Variants in CABLES1 observed in about 807,000 individuals in gnomAD.
CABLES1 encodes Cdk5 and Abl enzyme substrate 1.
A neutral mutation model predicts 57.8 loss-of-function variants in CABLES1; 36 were observed. That is an observed-to-expected ratio of 0.62 (90% confidence interval 0.48 to 0.82). CABLES1 has a LOEUF of 0.82. Ranked by LOEUF, CABLES1 falls within the 40% of genes least tolerant of loss-of-function variation. CABLES1 has a pLI of 0.00. For synonymous variants in CABLES1, 374 were observed against 363.0 expected, an observed-to-expected ratio of 1.03 and a Z score of -0.35; for missense variants, 767 against 836.6, an observed-to-expected ratio of 0.92 and a Z score of 1.03.
At chr18:23,224,228 C>T (rs993248917) in intron 4 of CABLES1, among the ~76,000 whole-genome samples, 7 of 150,970 alleles carry the variant, frequency 4.6e-5, no homozygotes, top group Admixed American at 1.3e-4. Context: ...CAGGAATGGG[C>T]ACAAGTAGCC....
chr18:23,252,349 A>T (rs1252063798), intron 7 of CABLES1, among the ~76,000 whole-genome samples: 1 of 152,174 alleles, frequency 6.6e-6, no homozygotes, highest in Non-Finnish European at 1.5e-5. Flanking sequence ...ACGCCTAGAA[A>T]TGGTTAAGAT....
chr18:23,180,962 T>A (rs1377948145), intron 1 of CABLES1, among the ~76,000 whole-genome samples: 1 of 152,214 alleles, frequency 6.6e-6, no homozygotes, highest in Non-Finnish European at 1.5e-5. Context: ...TCTAGGCTAA[T>A]ATGCCCCAAG....
intron 1 of CABLES1, among the ~76,000 whole-genome samples, chr18:23,151,270 G>A (rs188024035): frequency 1.3e-5 from 2 of 151,824 alleles, no homozygotes; most frequent in African/African-American, 4.8e-5. Context: ...CGCCTGCCTC[G>A]GCCTCCCAAA....
chr18:23,154,143 C>G lies in CABLES1; in HGVS notation c.845+17536C>G, dbSNP rs191141574. On this transcript the variant is annotated intron_variant, in intron 1 of 9. Coordinates refer to ENST00000256925, the MANE Select transcript of CABLES1 (RefSeq NM_001100619.3). The stretch of plus-strand genomic sequence containing the variant: ...GAGCAAGATCATTAGCTTTTTCAAA[C>G]AATTTCTAGTTCAACTTGCACATGT... 2.0e-5 allele frequency among the ~76,000 whole-genome samples: 3 copies of G among 152,180 alleles called. No individual in the cohort carries two copies. The East Asian group carries it at 5.8e-4, about 29-fold the overall frequency.
At chr18:23,215,760 C>CT (rs558089752) in intron 4 of CABLES1, among the ~76,000 whole-genome samples, 2,286 of 145,856 alleles carry the variant, frequency 0.016, 24 homozygotes, top group Middle Eastern at 0.029. Context: ...TTCTTTTTTT[C>CT]TTTTTTTTTT....
intron 4 of CABLES1, 43 bp downstream of exon 4, chr18:23,214,097 G>T (rs1456387171): frequency 7.3e-7 from 1 of 1,368,228 alleles, no homozygotes; most frequent in African/African-American, 1.4e-5. Context: ...TGGGTGAAAA[G>T]ATCTCACACC....
chr18:23,231,885 C>T (rs919188811), intron 4 of CABLES1, among the ~76,000 whole-genome samples: 4 of 151,958 alleles, frequency 2.6e-5, no homozygotes, highest in East Asian at 1.9e-4. Flanking sequence ...GCACATTTGG[C>T]GGCAGGCAGA....
intron 3 of CABLES1, among the ~76,000 whole-genome samples, chr18:23,195,753 TTC>T (rs769316513): frequency 5.3e-5 from 8 of 152,358 alleles, no homozygotes; most frequent in African/African-American, 1.4e-4. Flanking sequence ...TACTCTGAAT[TTC>T]TCTCTCTCAC....
rs965185573 is a variant in CABLES1 at position 23,242,344 on chromosome 18, A to G, written c.1446+5099A>G. Among the ~76,000 whole-genome samples, 3 of 152,238 alleles carry G rather than the reference A, an allele frequency of 2.0e-5. No individual in the cohort carries two copies. The East Asian group carries it at 5.8e-4, about 29-fold the overall frequency. ...AGCTGGCCCGGTGGTTTGGTCTTCA[A>G]GTTTCTAGAAGGTGACCACAGAACA... On this transcript the variant is annotated intron_variant, in intron 7 of 9. Transcript: ENST00000256925.
intron 1 of CABLES1, among the ~76,000 whole-genome samples, chr18:23,140,963 A>G (rs1305605601): frequency 6.6e-6 from 1 of 152,212 alleles, no homozygotes. Flanking sequence ...AAATGCACTT[A>G]CATTTATAAT....
At chr18:23,150,788 C>T (rs566731226) in intron 1 of CABLES1, among the ~76,000 whole-genome samples, 18 of 152,012 alleles carry the variant, frequency 1.2e-4, no homozygotes, top group Non-Finnish European at 5.9e-5. Context: ...AAGCAGTTCA[C>T]CACCGAGAGA....
intron 7 of CABLES1, among the ~76,000 whole-genome samples, chr18:23,249,893 C>T (rs1961105117): frequency 6.6e-6 from 1 of 152,234 alleles, no homozygotes; most frequent in South Asian, 2.1e-4. Flanking sequence ...GGGGCACGAG[C>T]TGGAAGCAGC....
At chr18:23,241,691 G>A (rs2047740430) in intron 7 of CABLES1, among the ~76,000 whole-genome samples, 1 of 152,172 alleles carries the variant, frequency 6.6e-6, no homozygotes, top group Admixed American at 6.5e-5. Context: ...ATACCTAGGA[G>A]TGGGACTTCT....
intron 1 of CABLES1, among the ~76,000 whole-genome samples, chr18:23,182,849 A>C (rs932556299): frequency 1.3e-5 from 2 of 152,066 alleles, no homozygotes; most frequent in Admixed American, 6.5e-5. Context: ...ACACTGCTGC[A>C]CCCTCACTGG....
chr18:23,236,058 T>C lies in CABLES1; in HGVS notation c.1342+7T>C. On this transcript the variant is annotated splice_region_variant and intron_variant, in intron 6 of 9. Transcript: ENST00000256925. ...CAGGGGAGCCTCGACACAGGTAACCTTGGCCTGGCTGGGTCTGGTAGCTCG... is the reference window on the plus strand; with the variant it reads ...CAGGGGAGCCTCGACACAGGTAACCCTGGCCTGGCTGGGTCTGGTAGCTCG... 6.2e-7 allele frequency: 1 copy of C among 1,613,620 alleles called. No individual in the cohort carries two copies. Among genetic ancestry groups the C allele is most frequent in the Non-Finnish European group, 8.5e-7 (1 of 1,179,884 alleles).
At chr18:23,174,144 G>T (rs954469857) in intron 1 of CABLES1, among the ~76,000 whole-genome samples, 15 of 152,000 alleles carry the variant, frequency 9.9e-5, no homozygotes, top group African/African-American at 3.4e-4. Context: ...TGGCAACCAC[G>T]AATCTATTTT....
rs1039896667 is a variant in CABLES1, at chr18:23,259,563, T to G, written c.*2196T>G. 7.2e-5 allele frequency: 11 copies of G among 152,222 alleles called. No homozygotes were observed. The highest frequency in any genetic ancestry group is 2.2e-4 in the African/African-American group (9 of 41,448). The allele number at this position is 152,222 out of a possible 1,614,324, so 9.4% of individuals were successfully genotyped here. A position where few individuals can be genotyped will look rare whatever the true frequency, so the allele number is the denominator to read the frequency against. On this transcript the variant is annotated 3_prime_UTR_variant, in exon 10 of 10. Coordinates refer to ENST00000256925, the MANE Select transcript of CABLES1 (RefSeq NM_001100619.3). ...TGTGGATTTGTGGAATGGACAGTTT[T>G]GTGGGTTTTAATTTATTTGTGAGGA... is the stretch of plus-strand genomic sequence containing the variant.
intron 1 of CABLES1, among the ~76,000 whole-genome samples, chr18:23,152,030 C>T (rs1195951163): frequency 6.6e-6 from 1 of 152,158 alleles, no homozygotes; most frequent in Non-Finnish European, 1.5e-5. Context: ...TCCGGGGTTT[C>T]AGGCCTATGG....
chr18:23,257,163 A>G, intron 9 of CABLES1, 64 bp from the exon 10 acceptor site: 18 of 1,578,676 alleles, frequency 1.1e-5, no homozygotes, highest in Non-Finnish European at 1.5e-5. Flanking sequence ...AGAAGCTGCA[A>G]TTGCAGAAAG....
Sources: allele counts gnomAD v4.1 joint callset (sites outside exome capture counted in the v4.1 genomes callset), GRCh38; gene constraint gnomAD v4.1.1; transcripts MANE v1.5; gene names NCBI Gene and HGNC (gene_info 2026-07-23, HGNC 2026-07-21).